The following MYLIP variants were observed in gnomAD, a reference collection of about 807,000 sequenced individuals.
The protein encoded by MYLIP is myosin regulatory light chain interacting protein.
A neutral mutation model predicts 45.8 loss-of-function variants in MYLIP; 26 were observed. That is an observed-to-expected ratio of 0.57 (90% CI 0.42 to 0.79). The LOEUF is 0.79. Ranked by LOEUF, MYLIP falls within the 30% of genes least tolerant of loss-of-function variation. MYLIP has a pLI of 0.00. For synonymous variants in MYLIP, 213 were observed against 218.1 expected (o/e 0.98, Z 0.21); for missense variants, 494 against 555.6 (o/e 0.89, Z 1.11).
chr6:16,145,950 T>C (rs1051043952), intron 6 of MYLIP, among the ~76,000 whole-genome samples: 6 of 152,246 alleles, frequency 3.9e-5, no homozygotes, highest in Admixed American at 2.0e-4. Flanking sequence ...TTTGTTTTTA[T>C]TTCTCAGATG....
chr6:16,146,697 C>G lies in MYLIP; in HGVS notation c.1284C>G (p.Val428=). ...TCTGCAGGTCGCGTGTGGAGCATGT[C>G]CAGCACGTCTATCTGCCAACGCACA... is the stretch of plus-strand genomic sequence containing the variant. ...CPVCRSRVEH[V]QHVYLPTHTS... is the part of the protein sequence containing the mutation. The change falls in exon 7 of 7, where the codon GTC becomes GTG. Residue 428 remains valine, a synonymous_variant. Coordinates refer to ENST00000356840, the MANE Select transcript of MYLIP (RefSeq NM_013262.4). 6.2e-7 allele frequency: 1 copy of G among 1,612,036 alleles called. No homozygotes were observed. Among genetic ancestry groups the G allele is most frequent in the Admixed American group, 1.7e-5 (1 of 59,952 alleles).
the MYLIP span, chr6:16,161,022 T>C: frequency 1.3e-5 from 2 of 156,232 alleles, no homozygotes; most frequent in African/African-American, 4.8e-5. Context: ...CCACACATCC[T>C]CGCCGGAGTG....
In MYLIP at chr6:16,129,578, C is replaced by T. The variant is rs1043530112; in HGVS notation, c.87+169C>T. Among the ~76,000 whole-genome samples the T allele has an allele frequency of 6.6e-6, 1 of 152,128 alleles. No individual in the cohort carries two copies. Among genetic ancestry groups the T allele is most frequent in the Non-Finnish European group, 1.5e-5 (1 of 67,996 alleles). On this transcript the variant is annotated intron_variant, in intron 1 of 6. Transcript: ENST00000356840. This position sits in a 1 kb window ranked among gnomAD's most constrained non-coding sequence, Gnocchi z 5.1. ...CCACGGGCGTGGGGCGCGCGGTCTC[C>T]TCCTGGCGCGCGTGGGGTGCGCGGA... is the stretch of plus-strand genomic sequence containing the variant.
intron 2 of MYLIP, among the ~76,000 whole-genome samples, chr6:16,139,422 G>C (rs1759621030): frequency 6.6e-6 from 1 of 151,486 alleles, no homozygotes; most frequent in East Asian, 1.9e-4. Flanking sequence ...TACATAAGCA[G>C]TAATTAAACT....
the MYLIP span, among the ~76,000 whole-genome samples, chr6:16,157,712 A>G: frequency 3.3e-5 from 5 of 152,236 alleles, no homozygotes; most frequent in African/African-American, 1.2e-4. Context: ...TGAACAGAAG[A>G]TATGGATTTA....
Position 16,143,768 on chromosome 6 carries a change from A to C in MYLIP, c.732A>C (p.Glu244Asp). ...GKNVYLTVTK[E>D]SGNSIVLLFK... ...ATGTATATTTGACGGTCACCAAGGA[A>C]TCTGGGAACAGCATCGTGCTCTTGT... The change falls in exon 5 of 7, where the codon GAA becomes GAC. Residue 244 changes from glutamate to aspartate, a missense_variant. Transcript: ENST00000356840. 1 of 1,614,074 alleles carries C rather than the reference A, an allele frequency of 6.2e-7. No homozygotes were observed. The highest frequency in any genetic ancestry group is 8.5e-7 in the Non-Finnish European group (1 of 1,179,998).
the MYLIP span, among the ~76,000 whole-genome samples, chr6:16,154,557 C>T: frequency 1.3e-5 from 2 of 152,174 alleles, no homozygotes; most frequent in African/African-American, 4.8e-5. Flanking sequence ...CCCAACCCAC[C>T]CACAGCACTG....
At position 16,135,748 on chromosome 6, in the gene MYLIP, CATATATCTAT is replaced by C. The variant is rs1451696348; in HGVS notation, c.278+5008_278+5017del. 2.7e-3 allele frequency among the ~76,000 whole-genome samples: 308 copies of C among 113,152 alleles called. 6 individuals carry two copies. The highest frequency in any genetic ancestry group is 8.9e-3 in the African/African-American group (285 of 31,982). The allele number at this position is 113,152 out of a possible 152,430, so 74.2% of individuals were successfully genotyped here. ...TACACACATTATATGTGTGTGTATA[CATATATCTAT>C]ATATATATATATATATATATGTATG... On this transcript the variant is annotated intron_variant, in intron 2 of 6. Coordinates refer to ENST00000356840, the MANE Select transcript of MYLIP (RefSeq NM_013262.4).
At chr6:16,152,918 T>C (rs772359263), downstream of MYLIP, among the ~76,000 whole-genome samples, 2 of 152,070 alleles carry the variant, frequency 1.3e-5, no homozygotes, top group African/African-American at 4.8e-5. Context: ...TGTGGTTGGA[T>C]GGGTTGGGAT....
At position 16,141,703 on chromosome 6, in the gene MYLIP, CAG is replaced by C; in HGVS notation, c.358_359del (p.Ser120CysfsTer19). ...LCSPEQAVEL[S>X]ALLAQTKFGD... ...GTTCCCCAGAGCAGGCAGTGGAACT[CAG>C]TGCCCTCCTGGCCCAGACCAAGTTT... On this transcript the variant is annotated frameshift_variant, in exon 3 of 7. Transcript: ENST00000356840. LOFTEE classifies it high-confidence loss of function. 6.2e-7 allele frequency: 1 copy of C among 1,614,196 alleles called. No homozygotes were observed. The highest frequency in any genetic ancestry group is 8.5e-7 in the Non-Finnish European group (1 of 1,180,030).
chr6:16,149,057 C>A (rs149820273), downstream of MYLIP, among the ~76,000 whole-genome samples: 129 of 152,134 alleles, frequency 8.5e-4, 2 homozygotes, highest in African/African-American at 2.8e-3. Context: ...AGTTATTGAG[C>A]CCTGGAAATT....
chr6:16,145,266 C>G lies in MYLIP; in HGVS notation c.1197C>G (p.Phe399Leu). Residue 399 changes from phenylalanine (F) to leucine (L), a missense_variant, in exon 6 of 7, where the codon TTC becomes TTG. Transcript: ENST00000356840. Reference protein sequence around the residue: ...VCCEEEINSTFCPCGHTVCCE... With the variant: ...VCCEEEINSTLCPCGHTVCCE... Reference sequence around the variant, plus strand: ...GCGAGGAGGAGATCAACTCCACCTTCTGTCCCTGTGGCCACACTGTGTGCT... The same window carrying G: ...GCGAGGAGGAGATCAACTCCACCTTGTGTCCCTGTGGCCACACTGTGTGCT... 1 of 1,611,330 alleles carries G rather than the reference C, an allele frequency of 6.2e-7. No individual in the cohort carries two copies. The highest frequency in any genetic ancestry group is 8.5e-7 in the Non-Finnish European group (1 of 1,177,932).
intron 2 of MYLIP, among the ~76,000 whole-genome samples, chr6:16,140,829 T>C (rs1759654479): frequency 6.6e-6 from 1 of 151,870 alleles, no homozygotes; most frequent in Non-Finnish European, 1.5e-5. Flanking sequence ...TTGAAGGATT[T>C]TGAGCAGAGA....
At chr6:16,152,062 T>C (rs1410860951), downstream of MYLIP, among the ~76,000 whole-genome samples, 1 of 152,208 alleles carries the variant, frequency 6.6e-6, no homozygotes, top group African/African-American at 2.4e-5. Flanking sequence ...AAGTTGTTCT[T>C]TGTCTTGAAG....
chr6:16,160,058 A>T, the MYLIP span, among the ~76,000 whole-genome samples: 2 of 152,176 alleles, frequency 1.3e-5, no homozygotes, highest in South Asian at 4.1e-4. Context: ...TGTTCATACA[A>T]ACGTGTAAGA....
intron 2 of MYLIP, among the ~76,000 whole-genome samples, chr6:16,138,706 G>A (rs1014392923): frequency 2.0e-5 from 3 of 152,300 alleles, no homozygotes; most frequent in South Asian, 2.1e-4. Flanking sequence ...CAGAGGCGGT[G>A]CAAGACAAAT....
Position 16,129,477 on chromosome 6 carries a change from T to C in MYLIP, c.87+68T>C, listed in dbSNP as rs1226445022. On this transcript the variant is annotated intron_variant, in intron 1 of 6. Transcript: ENST00000356840. This position sits in a 1 kb window ranked among gnomAD's most constrained non-coding sequence, Gnocchi z 5.1. ...GGCCGAGGGGCCTCGCAGCGACGCC[T>C]GGCACTCTGGCGCGCCCCCTACTAG... The C allele has an allele frequency of 1.7e-5, 24 of 1,434,708 alleles. No individual in the cohort carries two copies. In the South Asian group the frequency reaches 2.8e-4, roughly 17 times the overall value. The allele number at this position is 1,434,708 out of a possible 1,614,324, so 88.9% of individuals were successfully genotyped here. A position where few individuals can be genotyped will look rare whatever the true frequency, so the allele number is the denominator to read the frequency against.
the MYLIP span, among the ~76,000 whole-genome samples, chr6:16,161,639 G>A: frequency 1.3e-5 from 2 of 152,162 alleles, no homozygotes; most frequent in African/African-American, 2.4e-5. Flanking sequence ...TAAACTAGTC[G>A]AAAATGCTAG....
chr6:16,135,755 C>CTATATATATA (rs10593630), intron 2 of MYLIP, among the ~76,000 whole-genome samples: 1 of 125,260 alleles, frequency 8.0e-6, no homozygotes, highest in African/African-American at 3.2e-5. Context: ...ATACATATAT[C>CTATATATATA]TATATATATA....
Sources: gnomAD v4.1 joint callset for allele counts (sites outside exome capture counted in the v4.1 genomes callset) on GRCh38, gnomAD v4.1.1 for gene constraint, Gnocchi (gnomAD v3.1) non-coding constraint, MANE v1.5 for transcripts, NCBI Gene and HGNC (gene_info 2026-07-23, HGNC 2026-07-21) for gene names.